B2M: variants seen among roughly 807,000 people sequenced by gnomAD.
The protein encoded by B2M is beta-2-microglobulin.
A neutral mutation model predicts 14.5 loss-of-function variants in B2M; 3 were observed. That is an observed-to-expected ratio of 0.21 (90% CI 0.09 to 0.53). The LOEUF is 0.53. Ranked by LOEUF, B2M falls within the 20% of genes least tolerant of loss-of-function variation. The probability of loss-of-function intolerance (pLI) is 0.95; values close to 1 mark genes in which losing one functional copy is unlikely to be tolerated. For missense variants in B2M, 107 were observed against 140.8 expected (o/e 0.76, Z 1.21); for synonymous variants, 45 against 52.7 (o/e 0.85, Z 0.64).
intron 1 of B2M, chr15:44,713,610 G>T (rs2086911238): frequency 6.6e-6 from 1 of 152,184 alleles, no homozygotes; most frequent in Non-Finnish European, 1.5e-5. Context: ...TCTGATACTT[G>T]TCCTCTTCTT....
rs774186029 is a variant in B2M at position 44,711,532 on chromosome 15, A to T, written c.-15A>T. On this transcript the variant is annotated 5_prime_UTR_variant, in exon 1 of 4. Coordinates refer to ENST00000648006, the MANE Select transcript of B2M (RefSeq NM_004048.4). Reference sequence around the variant, plus strand: ...GCTGGCGGGCATTCCTGAAGCTGACAGCATTCGGGCCGAGATGTCTCGCTC... The same window carrying T: ...GCTGGCGGGCATTCCTGAAGCTGACTGCATTCGGGCCGAGATGTCTCGCTC... 12 of 1,613,378 alleles carry T rather than the reference A, an allele frequency of 7.4e-6. No individual in the cohort carries two copies. The highest frequency in any genetic ancestry group is 4.2e-6 in the Non-Finnish European group (5 of 1,179,958).
chr15:44,714,917 GA>G, intron 1 of B2M: 1 of 109,084 alleles, frequency 9.2e-6, no homozygotes, highest in Non-Finnish European at 2.0e-5. Flanking sequence ...GAACCAAAAA[GA>G]AAGGCATAAA....
At chr15:44,715,363 A>G (rs2086929096) in intron 1 of B2M, 60 bp from the exon 2 acceptor site, 3 of 1,565,656 alleles carry the variant, frequency 1.9e-6, no homozygotes, top group East Asian at 4.5e-5. Flanking sequence ...CTTGACACCA[A>G]GTTAGCCCCA....
chr15:44,716,563 G>C (rs2086943776), intron 3 of B2M: 1 of 616,512 alleles, frequency 1.6e-6, no homozygotes, highest in South Asian at 2.0e-5. Context: ...CCATATTACT[G>C]ACCCTCTACA....
At chr15:44,715,241 A>G in intron 1 of B2M, 182 bp from the exon 2 acceptor site, 1 of 701,690 alleles carries the variant, frequency 1.4e-6, no homozygotes, top group Non-Finnish European at 2.5e-6. Flanking sequence ...GTCACGGTTT[A>G]TTCTTCAAAA....
Position 44,711,573 on chromosome 15 carries a change from G to T in B2M, c.27G>T (p.Val9=), listed in dbSNP as rs552741313. MSRSVALA[V]LALLSLSGLE... The stretch of plus-strand genomic sequence containing the variant: ...TGTCTCGCTCCGTGGCCTTAGCTGT[G>T]CTCGCGCTACTCTCTCTTTCTGGCC... Residue 9 remains valine, a synonymous_variant, in exon 1 of 4, where the codon GTG becomes GTT. Coordinates refer to ENST00000648006, the MANE Select transcript of B2M (RefSeq NM_004048.4). The T allele has an allele frequency of 6.2e-7, 1 of 1,613,896 alleles. No homozygotes were observed. Among genetic ancestry groups the T allele is most frequent in the Non-Finnish European group, 8.5e-7 (1 of 1,180,018 alleles).
intron 1 of B2M, chr15:44,713,913 C>T (rs868029029): frequency 1.3e-5 from 2 of 152,276 alleles, no homozygotes; most frequent in Non-Finnish European, 2.9e-5. Context: ...TCCCCACAGC[C>T]TCCCAGACAA....
intron 1 of B2M, chr15:44,713,750 C>T (rs944266937): frequency 3.3e-5 from 5 of 152,140 alleles, no homozygotes; most frequent in African/African-American, 1.2e-4. Context: ...AGCTCAGATG[C>T]AAAGAGCTCT....
chr15:44,716,990 T>C (rs1278979496), intron 3 of B2M: 2 of 152,490 alleles, frequency 1.3e-5, no homozygotes, highest in Non-Finnish European at 2.9e-5. Flanking sequence ...CTGCCCAGGG[T>C]ACATTGATGC....
intron 2 of B2M, 175 bp downstream of exon 2, chr15:44,715,876 T>C (rs2086935607): frequency 3.6e-6 from 3 of 831,232 alleles, no homozygotes; most frequent in Non-Finnish European, 5.8e-6. Context: ...AAGATCAGAT[T>C]AGTGGCACCT....
rs2086928280 is a variant in B2M, at chr15:44,715,282, C to T, written c.68-141C>T. 7 of 992,904 alleles carry T rather than the reference C, an allele frequency of 7.1e-6. No individual in the cohort carries two copies. In the African/African-American group the frequency reaches 8.0e-5, roughly 11 times the overall value. The allele number at this position is 992,904 out of a possible 1,614,324, so 61.5% of individuals were successfully genotyped here. A position where few individuals can be genotyped will look rare whatever the true frequency, so the allele number is the denominator to read the frequency against. ...GTGGCTTGTTGGGAAGGTGGAAGCT[C>T]ATTTGGCCAGAGTGGAAATGGAATT... On this transcript the variant is annotated intron_variant, in intron 1 of 3. Coordinates refer to ENST00000648006, the MANE Select transcript of B2M (RefSeq NM_004048.4).
chr15:44,712,061 G>A, intron 1 of B2M: 1 of 331,928 alleles, frequency 3.0e-6, no homozygotes, highest in Non-Finnish European at 5.9e-6. Context: ...TCTGGGGGAG[G>A]CGTCGCCCGG....
At chr15:44,711,841 C>A (rs1455267620) in intron 1 of B2M, 4 of 660,540 alleles carry the variant, frequency 6.1e-6, no homozygotes. Flanking sequence ...CGGCGGGGAG[C>A]AGGGGAGACC....
chr15:44,717,324 G>GAA (rs3042006), intron 3 of B2M: 35,348 of 152,004 alleles, frequency 0.23, 4,951 homozygotes, highest in African/African-American at 0.39. Flanking sequence ...TCTAAACATA[G>GAA]AAGTTGCAGT....
chr15:44,716,628 C>A (rs2086944726), intron 3 of B2M: 6 of 521,284 alleles, frequency 1.2e-5, no homozygotes, highest in South Asian at 1.1e-4. Flanking sequence ...AGGTGGTTAC[C>A]CACATTACCT....
intron 2 of B2M, 168 bp from the exon 3 acceptor site, chr15:44,716,156 TAGTAG>T (rs1176988093): frequency 1.7e-5 from 12 of 710,814 alleles, no homozygotes; most frequent in Non-Finnish European, 2.9e-5. Context: ...TATCTGAGGC[TAGTAG>T]GAAGGGCTTG....
At chr15:44,714,738 C>CA (rs2141288069) in intron 1 of B2M, 1 of 152,048 alleles carries the variant, frequency 6.6e-6, no homozygotes, top group African/African-American at 2.4e-5. Flanking sequence ...GATTCCATCC[C>CA]AAAAAATAAA....
chr15:44,714,218 A>G (rs2141287772), intron 1 of B2M: 1 of 152,312 alleles, frequency 6.6e-6, no homozygotes, highest in Non-Finnish European at 1.5e-5. Context: ...TCCCACTGTC[A>G]CATGCATTAC....
Position 44,715,434 on chromosome 15 carries a change from A to T in B2M, c.79A>T (p.Ile27Phe). ...CCGATATTCCTCAGGTACTCCAAAGATTCAGGTTTACTCACGTCATCCAGC... is the reference window on the plus strand; with the variant it reads ...CCGATATTCCTCAGGTACTCCAAAGTTTCAGGTTTACTCACGTCATCCAGC... Reference protein sequence around the residue: ...GLEAIQRTPKIQVYSRHPAEN... With the variant: ...GLEAIQRTPKFQVYSRHPAEN... The change falls in exon 2 of 4, where the codon ATT (isoleucine) becomes TTT (phenylalanine). Residue 27 changes from isoleucine to phenylalanine, a missense_variant. Ile to Phe is a conservative substitution (Grantham distance 21). Transcript: ENST00000648006. 1 of 1,613,818 alleles carries T rather than the reference A, an allele frequency of 6.2e-7. No homozygotes were observed. The highest frequency in any genetic ancestry group is 8.5e-7 in the Non-Finnish European group (1 of 1,179,978).
Sources: gnomAD v4.1 joint callset for allele counts on GRCh38, gnomAD v4.1.1 for gene constraint, MANE v1.5 for transcripts, NCBI Gene and HGNC (gene_info 2026-07-23, HGNC 2026-07-21) for gene names.